The following CAMTA1 variants were observed in gnomAD, a reference collection of about 807,000 sequenced individuals.
CAMTA1 encodes calmodulin-binding transcription activator 1.
A neutral mutation model predicts 170.9 loss-of-function variants in CAMTA1; 27 were observed. That is an observed-to-expected ratio of 0.16 (90% CI 0.12 to 0.22). The LOEUF (loss-of-function observed/expected upper bound fraction) is 0.22. Among genes scored for constraint, CAMTA1 ranks in the 10% least tolerant of loss-of-function variants. The pLI is 1.00. For missense variants in CAMTA1, 1,619 were observed against 2,217.2 expected, an observed-to-expected ratio of 0.73 and a Z score of 5.42; for synonymous variants, 833 against 891.5, an observed-to-expected ratio of 0.93 and a Z score of 1.17.
intron 5 of CAMTA1, among the ~76,000 whole-genome samples, chr1:7,304,327 G>A (rs1675259888): frequency 6.6e-6 from 1 of 152,196 alleles, no homozygotes; most frequent in African/African-American, 2.4e-5. Context: ...TTCTGTTAAT[G>A]AATAGTTGTT....
At chr1:7,555,239 T>C (rs934863196) in intron 6 of CAMTA1, among the ~76,000 whole-genome samples, 2 of 152,188 alleles carry the variant, frequency 1.3e-5, no homozygotes, top group African/African-American at 4.8e-5. Flanking sequence ...ACAGCTTCGA[T>C]TGACAGAAAG....
chr1:7,589,164 C>A (rs2095335415), intron 6 of CAMTA1, among the ~76,000 whole-genome samples: 1 of 152,206 alleles, frequency 6.6e-6, no homozygotes, highest in Non-Finnish European at 1.5e-5. Flanking sequence ...TGAGGGCCGA[C>A]AGGGTCAGGG....
chr1:7,687,283 G>GT (rs1558132651), intron 11 of CAMTA1, among the ~76,000 whole-genome samples: 1 of 151,698 alleles, frequency 6.6e-6, no homozygotes, highest in Non-Finnish European at 1.5e-5. Context: ...CCAGCAGGAT[G>GT]TGACCCATGG....
Position 7,685,194 on chromosome 1 carries a change from A to G in CAMTA1, c.2914+7461A>G, listed in dbSNP as rs1397531168. Among the ~76,000 whole-genome samples, 1 of 152,162 alleles carries G rather than the reference A, an allele frequency of 6.6e-6. No homozygotes were observed. The highest frequency in any genetic ancestry group is 2.4e-5 in the African/African-American group (1 of 41,402). The stretch of plus-strand genomic sequence containing the variant: ...CAGGTGGTGTGTTTTAAGGAGCATC[A>G]CAGGAAGTACAGTTCCGTTCAGTGT... On this transcript the variant is annotated intron_variant, in intron 11 of 22. Coordinates refer to ENST00000303635, the MANE Select transcript of CAMTA1 (RefSeq NM_015215.4). The surrounding 1 kb of genome is among the most constrained non-coding windows in gnomAD (Gnocchi z 5.7).
chr1:6,832,684 C>A (rs1250866296), intron 3 of CAMTA1, among the ~76,000 whole-genome samples: 1 of 152,092 alleles, frequency 6.6e-6, no homozygotes, highest in Non-Finnish European at 1.5e-5. Flanking sequence ...GTCAGTTAAC[C>A]TTTAGGTAGG....
chr1:6,875,152 T>G (rs1021387749), intron 3 of CAMTA1, among the ~76,000 whole-genome samples: 4 of 152,154 alleles, frequency 2.6e-5, no homozygotes. Context: ...GGCACTTAAA[T>G]CCAAGTGCCA....
At chr1:7,276,303 A>ATAATTTTTTTTT in intron 5 of CAMTA1, among the ~76,000 whole-genome samples, 1 of 24,228 alleles carries the variant, frequency 4.1e-5, no homozygotes, top group African/African-American at 3.0e-4. Context: ...ATATATATAT[A>ATAATTTTTTTTT]TTTTTTTTTT....
intron 4 of CAMTA1, among the ~76,000 whole-genome samples, chr1:7,104,782 G>A (rs1389300578): frequency 2.0e-5 from 3 of 152,312 alleles, no homozygotes; most frequent in East Asian, 1.9e-4. Context: ...TTCACATCAC[G>A]GGCCCATTTA....
At chr1:7,741,432 G>A (rs761538377) in intron 16 of CAMTA1, among the ~76,000 whole-genome samples, 22 of 151,908 alleles carry the variant, frequency 1.4e-4, no homozygotes, top group Non-Finnish European at 2.9e-4. Flanking sequence ...GCATGGTGGC[G>A]GGCACCTGTA....
intron 4 of CAMTA1, among the ~76,000 whole-genome samples, chr1:7,157,804 C>T (rs1646980490): frequency 6.6e-6 from 1 of 152,192 alleles, no homozygotes; most frequent in Non-Finnish European, 1.5e-5. Context: ...GGTCTACCAA[C>T]AGGTGAGTGG....
intron 4 of CAMTA1, among the ~76,000 whole-genome samples, chr1:7,181,959 A>G (rs1452923564): frequency 6.6e-6 from 1 of 152,030 alleles, no homozygotes; most frequent in Non-Finnish European, 1.5e-5. Flanking sequence ...AAAATGAACT[A>G]TAAAGCCTCT....
At chr1:7,280,422 T>C (rs1299912338) in intron 5 of CAMTA1, among the ~76,000 whole-genome samples, 2 of 152,168 alleles carry the variant, frequency 1.3e-5, no homozygotes, top group African/African-American at 4.8e-5. Context: ...TTAGTAAAAG[T>C]CTATGACCTT....
chr1:7,180,667 C>T (rs1651956164), intron 4 of CAMTA1, among the ~76,000 whole-genome samples: 1 of 151,834 alleles, frequency 6.6e-6, no homozygotes, highest in Non-Finnish European at 1.5e-5. Flanking sequence ...GTGTGTGCCA[C>T]CACAGTTGGC....
chr1:7,497,222 C>T (rs1462173333), intron 6 of CAMTA1, among the ~76,000 whole-genome samples: 4 of 152,170 alleles, frequency 2.6e-5, no homozygotes, highest in Non-Finnish European at 5.9e-5. Flanking sequence ...AGGCCCCAAT[C>T]CCCACCCATC....
chr1:7,401,450 T>G (rs2089899309), intron 5 of CAMTA1, among the ~76,000 whole-genome samples: 1 of 152,218 alleles, frequency 6.6e-6, no homozygotes, highest in Non-Finnish European at 1.5e-5. Context: ...TCATTCTTTT[T>G]CAAAAATTGC....
chr1:7,172,850 A>G (rs1649949171), intron 4 of CAMTA1, among the ~76,000 whole-genome samples: 1 of 152,170 alleles, frequency 6.6e-6, no homozygotes, highest in Non-Finnish European at 1.5e-5. Context: ...CAAATGCACG[A>G]TCTCCTCTCA....
At chr1:6,891,762 A>G (rs1674540262) in intron 3 of CAMTA1, among the ~76,000 whole-genome samples, 1 of 152,220 alleles carries the variant, frequency 6.6e-6, no homozygotes, top group Admixed American at 6.5e-5. Context: ...TTAATACATA[A>G]ATAATCTATG....
chr1:6,912,396 T>G (rs1352384516), intron 3 of CAMTA1, among the ~76,000 whole-genome samples: 1 of 152,250 alleles, frequency 6.6e-6, no homozygotes, highest in Non-Finnish European at 1.5e-5. Flanking sequence ...ATGTGTGTTG[T>G]CTTGCTAATG....
intron 6 of CAMTA1, among the ~76,000 whole-genome samples, chr1:7,619,892 C>G (rs530816446): frequency 1.3e-5 from 2 of 152,164 alleles, no homozygotes; most frequent in East Asian, 3.9e-4. Flanking sequence ...TCAAGTGATC[C>G]GCCTGCCTCG....
Sources: allele counts gnomAD v4.1 joint callset (sites outside exome capture counted in the v4.1 genomes callset), GRCh38; gene constraint gnomAD v4.1.1; non-coding constraint Gnocchi (gnomAD v3.1); transcripts MANE v1.5; gene names NCBI Gene and HGNC (gene_info 2026-07-23, HGNC 2026-07-21).